SDHC: variants seen among roughly 807,000 people sequenced by gnomAD.
SDHC encodes succinate dehydrogenase cytochrome b560 subunit, mitochondrial.
Under a neutral mutation model 22.6 loss-of-function variants are expected in SDHC, and 11 were observed. That is an observed-to-expected ratio of 0.49 (90% confidence interval 0.31 to 0.81). SDHC has a LOEUF of 0.81. Ranked by LOEUF, SDHC falls within the 30% of genes least tolerant of loss-of-function variation. SDHC has a pLI of 0.05. For missense variants in SDHC, 160 were observed against 212.0 expected, an observed-to-expected ratio of 0.75 and a Z score of 1.52; for synonymous variants, 80 against 77.8, an observed-to-expected ratio of 1.03 and a Z score of -0.15.
chr1:161,341,935 TA>T (rs1219246358), intron 4 of SDHC, among the ~76,000 whole-genome samples: 12 of 152,216 alleles, frequency 7.9e-5, no homozygotes, highest in Non-Finnish European at 1.5e-4. Context: ...ATTTAGTAAA[TA>T]TTTGGTGAAT....
intron 5 of SDHC, among the ~76,000 whole-genome samples, chr1:161,357,847 T>C (rs965829087): frequency 1.3e-5 from 2 of 152,200 alleles, no homozygotes; most frequent in African/African-American, 4.8e-5. Context: ...ATAACCATTG[T>C]TGCTGCTTTC....
chr1:161,339,486 C>T, intron 3 of SDHC: 2 of 807,904 alleles, frequency 2.5e-6, no homozygotes, highest in South Asian at 1.5e-5. Flanking sequence ...CCAGCTCCAA[C>T]TTTAATGAGT....
At chr1:161,361,411 G>A (rs977429164) in intron 5 of SDHC, among the ~76,000 whole-genome samples, 4 of 151,998 alleles carry the variant, frequency 2.6e-5, no homozygotes, top group Non-Finnish European at 4.4e-5. Context: ...TAGTGTTCTA[G>A]ATCTCAGAGT....
intron 4 of SDHC, among the ~76,000 whole-genome samples, chr1:161,344,479 AGTT>A (rs1671827489): frequency 6.6e-6 from 1 of 152,004 alleles, no homozygotes; most frequent in African/African-American, 2.4e-5. Flanking sequence ...AAAAGAAAAA[AGTT>A]GTTTTTTTTC....
At chr1:161,358,039 T>TTC (rs2102374331) in intron 5 of SDHC, among the ~76,000 whole-genome samples, 1 of 146,878 alleles carries the variant, frequency 6.8e-6, no homozygotes, top group East Asian at 2.0e-4. Flanking sequence ...AATCTTTTTT[T>TTC]TTTTTTTTTT....
In SDHC at chr1:161,362,465, A is replaced by G; in HGVS notation, c.*32A>G. ...GAGGCTCCCAGCATCATCTTCCTAC[A>G]CATTATTACATTCACCCATCTTTCT... On this transcript the variant is annotated 3_prime_UTR_variant, in exon 6 of 6. Transcript: ENST00000367975. 2.5e-6 allele frequency: 4 copies of G among 1,612,338 alleles called. No individual in the cohort carries two copies. The highest frequency in any genetic ancestry group is 3.4e-6 in the Non-Finnish European group (4 of 1,179,346).
intron 5 of SDHC, among the ~76,000 whole-genome samples, chr1:161,357,217 G>A (rs1332590515): frequency 2.0e-5 from 3 of 151,972 alleles, no homozygotes; most frequent in Admixed American, 6.6e-5. Context: ...GTGAGCCACC[G>A]CGCCCAGCTA....
At chr1:161,320,125 AC>A (rs1670787910) in intron 1 of SDHC, among the ~76,000 whole-genome samples, 1 of 152,206 alleles carries the variant, frequency 6.6e-6, no homozygotes, top group African/African-American at 2.4e-5. Context: ...AGCTCTTGTT[AC>A]AGTCCTAGTG....
intron 4 of SDHC, among the ~76,000 whole-genome samples, chr1:161,352,382 A>G (rs1454915805): frequency 6.6e-6 from 1 of 152,158 alleles, no homozygotes; most frequent in Non-Finnish European, 1.5e-5. Flanking sequence ...GAATCTGGTA[A>G]TGATCCCAGA....
rs758166278 is a variant in SDHC, at chr1:161,323,682, A to G, written c.77+12A>G. ...CTCTGTATCAGAAAGTAAGTTTCTA[A>G]GTCTGGAGATTATTTATTTATTTTT... On this transcript the variant is annotated intron_variant, in intron 2 of 5. Coordinates refer to ENST00000367975, the MANE Select transcript of SDHC (RefSeq NM_003001.5). The G allele has an allele frequency of 3.4e-5, 55 of 1,600,268 alleles. No individual in the cohort carries two copies. The highest frequency in any genetic ancestry group is 4.5e-5 in the Non-Finnish European group (53 of 1,170,872).
intron 1 of SDHC, among the ~76,000 whole-genome samples, chr1:161,317,550 G>GGGTT (rs1558161065): frequency 8.3e-5 from 5 of 59,892 alleles, no homozygotes; most frequent in African/African-American, 4.9e-4. Flanking sequence ...TGTGTGTGTG[G>GGGTT]TTTTTTTTTT....
At chr1:161,320,983 CG>C (rs1670816417) in intron 1 of SDHC, among the ~76,000 whole-genome samples, 1 of 152,064 alleles carries the variant, frequency 6.6e-6, no homozygotes, top group Non-Finnish European at 1.5e-5. Flanking sequence ...TGCGCCACTA[CG>C]CCCAGCTAAT....
intron 4 of SDHC, among the ~76,000 whole-genome samples, chr1:161,352,586 C>T (rs190810854): frequency 2.8e-4 from 43 of 152,238 alleles, no homozygotes; most frequent in South Asian, 2.7e-3. Flanking sequence ...GGACTCAACC[C>T]ATCAGAAAAA....
intron 4 of SDHC, among the ~76,000 whole-genome samples, chr1:161,351,248 G>A (rs1384366479): frequency 6.6e-6 from 1 of 152,068 alleles, no homozygotes; most frequent in Admixed American, 6.6e-5. Flanking sequence ...ATTAGAAGAG[G>A]TTTTGCCATC....
intron 4 of SDHC, among the ~76,000 whole-genome samples, chr1:161,350,087 T>A (rs1191336266): frequency 6.6e-6 from 1 of 152,144 alleles, no homozygotes; most frequent in African/African-American, 2.4e-5. Flanking sequence ...ATTTTGTATT[T>A]TTAGTAGAGA....
At position 161,356,189 on chromosome 1, in the gene SDHC, G is replaced by T. The variant is rs763456761; in HGVS notation, c.242-488G>T. On this transcript the variant is annotated intron_variant, in intron 4 of 5. Coordinates refer to ENST00000367975, the MANE Select transcript of SDHC (RefSeq NM_003001.5). Reference sequence around the variant, plus strand: ...AAAACATATGGCACATTTAGTTTATGATGAGATCCCAAGTAGTCTGTCTCC... The same window carrying T: ...AAAACATATGGCACATTTAGTTTATTATGAGATCCCAAGTAGTCTGTCTCC... Among the ~76,000 whole-genome samples the T allele has an allele frequency of 5.3e-5, 8 of 152,194 alleles. 1 individual carries two copies. In the South Asian group the frequency reaches 1.7e-3, roughly 32 times the overall value.
chr1:161,341,009 A>G (rs1018281030), intron 4 of SDHC, among the ~76,000 whole-genome samples: 3 of 151,836 alleles, frequency 2.0e-5, no homozygotes, highest in African/African-American at 2.4e-5. Flanking sequence ...ACGCCTGGCT[A>G]AATTTTTGTA....
intron 1 of SDHC, among the ~76,000 whole-genome samples, chr1:161,322,124 G>A (rs1670859664): frequency 6.6e-6 from 1 of 152,162 alleles, no homozygotes. Context: ...TCACTAAGCT[G>A]AAATCCAAAA....
At chr1:161,319,096 C>T (rs1192547247) in intron 1 of SDHC, among the ~76,000 whole-genome samples, 1 of 151,986 alleles carries the variant, frequency 6.6e-6, no homozygotes, top group Non-Finnish European at 1.5e-5. Flanking sequence ...AGGCACATGC[C>T]TGTAATCCCA....
Sources: gnomAD v4.1 joint callset for allele counts (sites outside exome capture counted in the v4.1 genomes callset) on GRCh38, gnomAD v4.1.1 for gene constraint, MANE v1.5 for transcripts, NCBI Gene and HGNC (gene_info 2026-07-23, HGNC 2026-07-21) for gene names.